Variants in KIF4A observed in about 807,000 individuals in gnomAD.
KIF4A encodes kinesin family member 4A, also known as chromosome-associated kinesin KIF4A.
A neutral mutation model predicts 105.9 loss-of-function variants in KIF4A; 7 were observed. The ratio of observed to expected loss-of-function variants is 0.07; its 90% CI spans 0.04 to 0.12. The LOEUF (loss-of-function observed/expected upper bound fraction) is 0.12, where lower values mean the gene tolerates loss of function less well. KIF4A is among the 10% of genes least tolerant of loss of function. The pLI is 1.00. For synonymous variants in KIF4A, 281 were observed against 331.3 expected (o/e 0.85, Z 1.65); for missense variants, 558 against 929.2 (o/e 0.60, Z 5.19).
chrX:70,395,124 T>C (rs1406325006), intron 20 of KIF4A, among the ~76,000 whole-genome samples: 2 of 111,571 alleles, frequency 1.8e-5, no homozygotes, highest in African/African-American at 6.5e-5. Flanking sequence ...CGCGTGCTTG[T>C]AATCCCAGCT....
chrX:70,369,263 C>A (rs768483286), intron 15 of KIF4A, among the ~76,000 whole-genome samples: 1 of 112,278 alleles, frequency 8.9e-6, no homozygotes, highest in East Asian at 2.8e-4. Context: ...GTCCTGCACC[C>A]ACTCTCTGAC....
intron 18 of KIF4A, among the ~76,000 whole-genome samples, chrX:70,382,164 T>C (rs1225531193): frequency 8.9e-6 from 1 of 112,708 alleles, no homozygotes; most frequent in Non-Finnish European, 1.9e-5. Flanking sequence ...GCACAGTGGC[T>C]CACGCCTGTA....
intron 20 of KIF4A, among the ~76,000 whole-genome samples, chrX:70,388,918 A>T (rs1469912493): frequency 1.3e-4 from 15 of 111,893 alleles, no homozygotes; most frequent in African/African-American, 4.9e-4. Flanking sequence ...ATTTATTGAT[A>T]TTTTTTTCTT....
Position 70,392,173 on chromosome X carries a change from A to G in KIF4A, c.2233-3498A>G, listed in dbSNP as rs373549612. ...GATATCAAGGTAATACTGGCCTCAGAAAGAGCTGGGAAGTGTAGTCGTTTC... is the reference window on the plus strand; with the variant it reads ...GATATCAAGGTAATACTGGCCTCAGGAAGAGCTGGGAAGTGTAGTCGTTTC... On this transcript the variant is annotated intron_variant, in intron 20 of 30. Coordinates refer to ENST00000374403, the MANE Select transcript of KIF4A (RefSeq NM_012310.5). Among the ~76,000 whole-genome samples the G allele has an allele frequency of 5.4e-5, 6 of 111,802 alleles. 1 individual carries two copies.
At chrX:70,343,847 C>T in intron 12 of KIF4A, 30 bp from the exon 13 acceptor site, 3 of 1,190,650 alleles carry the variant, frequency 2.5e-6, no homozygotes, top group Non-Finnish European at 3.4e-6. Context: ...ATATGAATAA[C>T]CCTTGGGTTC....
intron 20 of KIF4A, among the ~76,000 whole-genome samples, chrX:70,391,536 T>G (rs1430498531): frequency 8.9e-6 from 1 of 112,004 alleles, no homozygotes; most frequent in African/African-American, 3.2e-5. Context: ...AAATACTTTT[T>G]GTCTCTAGTT....
chrX:70,411,646 A>T (rs6625606), intron 28 of KIF4A, among the ~76,000 whole-genome samples: 2 of 109,776 alleles, frequency 1.8e-5, no homozygotes, highest in African/African-American at 3.3e-5. Flanking sequence ...TGATGTAATT[A>T]GTCTGAGGTA....
intron 7 of KIF4A, among the ~76,000 whole-genome samples, chrX:70,309,929 G>A (rs2085842181): frequency 8.9e-6 from 1 of 112,035 alleles, no homozygotes; most frequent in South Asian, 3.7e-4. Context: ...TGTAGTCCCA[G>A]CTACTCTGGT....
chrX:70,386,704 A>T lies in KIF4A; in HGVS notation c.2118+3A>T. The T allele has an allele frequency of 8.6e-7, 1 of 1,166,460 alleles. No individual in the cohort carries two copies. Among genetic ancestry groups the T allele is most frequent in the Non-Finnish European group, 1.2e-6 (1 of 854,459 alleles). ...TGCTCAGACGTAAAACGGAGGAGGT[A>T]AGAAAATTCAATCTGCTAGGTCAAG... On this transcript the variant is annotated splice_donor_region_variant and intron_variant, in intron 19 of 30. Coordinates refer to ENST00000374403, the MANE Select transcript of KIF4A (RefSeq NM_012310.5).
chrX:70,370,734 G>A (rs181563059), intron 15 of KIF4A, among the ~76,000 whole-genome samples: 33 of 109,325 alleles, frequency 3.0e-4, no homozygotes, highest in African/African-American at 9.9e-4. Flanking sequence ...TCAGGAGTTC[G>A]AGACCAGCCT....
chrX:70,405,940 A>G (rs2086298501), intron 26 of KIF4A, 35 bp downstream of exon 26: 1 of 1,108,201 alleles, frequency 9.0e-7, no homozygotes, highest in Non-Finnish European at 1.2e-6. Context: ...ATAAGCCCTA[A>G]GAGACCCCGT....
chrX:70,419,526 C>A, intron 29 of KIF4A, 135 bp from the exon 30 acceptor site: 1 of 726,202 alleles, frequency 1.4e-6, no homozygotes, highest in South Asian at 2.4e-5. Context: ...CCTCCCCAAG[C>A]AGGGCCTCCC....
chrX:70,297,675 A>G (rs1480884419), intron 4 of KIF4A, among the ~76,000 whole-genome samples: 2 of 111,811 alleles, frequency 1.8e-5, no homozygotes, highest in Non-Finnish European at 1.9e-5. Context: ...TACTTGGTAT[A>G]TATCAGTGAA....
At chrX:70,332,095 G>A (rs2085933172) in intron 9 of KIF4A, among the ~76,000 whole-genome samples, 1 of 112,109 alleles carries the variant, frequency 8.9e-6, no homozygotes, top group Admixed American at 9.5e-5. Flanking sequence ...GTAGATAGTT[G>A]AATATAAAAG....
chrX:70,300,151 A>G (rs961203520), intron 5 of KIF4A, among the ~76,000 whole-genome samples: 2 of 111,810 alleles, frequency 1.8e-5, no homozygotes, highest in African/African-American at 6.5e-5. Context: ...AGTGAGGGAC[A>G]GGTGCCTGTG....
intron 15 of KIF4A, among the ~76,000 whole-genome samples, chrX:70,367,008 C>T (rs1374812923): frequency 1.5e-3 from 168 of 111,887 alleles, no homozygotes; most frequent in Admixed American, 5.7e-3. Flanking sequence ...TATTTAATGG[C>T]CTTCCTTGTC....
rs10127080 is a variant in KIF4A at position 70,386,642 on chromosome X, C to T, written c.2059C>T (p.Leu687=). 3,828 of 1,208,350 alleles carry T rather than the reference C, an allele frequency of 3.2e-3. 90 individuals carry two copies. In the African/African-American group the frequency reaches 0.058, roughly 18 times the overall value. ...GGACCGTAAGAGGCAATATGAGCTG[C>T]TGAAACTTGAAAGAAACTTCCAGAA... ...ERDRKRQYEL[L]KLERNFQKQS... The change falls in exon 19 of 31, where the codon CTG becomes TTG. Residue 687 remains leucine, a synonymous_variant. Transcript: ENST00000374403.
chrX:70,417,165 T>C (rs2086347587), intron 28 of KIF4A, among the ~76,000 whole-genome samples: 1 of 112,908 alleles, frequency 8.9e-6, no homozygotes, highest in African/African-American at 3.2e-5. Context: ...TGCATTATTA[T>C]GCTATCCCTC....
intron 9 of KIF4A, among the ~76,000 whole-genome samples, chrX:70,331,041 G>A (rs749775699): frequency 1.2e-3 from 134 of 111,647 alleles, no homozygotes; most frequent in Non-Finnish European, 2.2e-3. Context: ...CAGGAGCACT[G>A]ACACTGCAAT....
Sources: gnomAD v4.1 joint callset for allele counts (sites outside exome capture counted in the v4.1 genomes callset) on GRCh38, gnomAD v4.1.1 for gene constraint, MANE v1.5 for transcripts, NCBI Gene and HGNC (gene_info 2026-07-23, HGNC 2026-07-21) for gene names.